Variants in FBXL14 observed in about 807,000 individuals in gnomAD.
The protein encoded by FBXL14 is F-box and leucine rich repeat protein 14.
Under a neutral mutation model 24.5 loss-of-function variants are expected in FBXL14, and 11 were observed. The ratio of observed to expected loss-of-function variants is 0.45; its 90% CI spans 0.28 to 0.74. FBXL14 has a LOEUF of 0.74. Among genes scored for constraint, FBXL14 ranks in the 30% least tolerant of loss-of-function variants. FBXL14 has a pLI of 0.12. For missense variants in FBXL14, 384 were observed against 545.6 expected (o/e 0.70, Z 2.95); for synonymous variants, 294 against 240.4 (o/e 1.22, Z -2.06).
chr12:1,570,348 C>T (rs1003325517), intron 1 of FBXL14, among the ~76,000 whole-genome samples: 1 of 152,218 alleles, frequency 6.6e-6, no homozygotes, highest in Non-Finnish European at 1.5e-5. Flanking sequence ...TATACAACGG[C>T]TCCTGCCTGT....
intron 1 of FBXL14, among the ~76,000 whole-genome samples, chr12:1,576,576 A>T (rs1244546061): frequency 1.3e-5 from 2 of 152,122 alleles, no homozygotes; most frequent in South Asian, 2.1e-4. Context: ...CAGCTCTGTA[A>T]AGCAGCAATT....
rs1281127964 is a variant in FBXL14, at chr12:1,579,604, C to T, written c.1195-12794G>A. 1.4e-5 allele frequency among the ~76,000 whole-genome samples: 2 copies of T among 145,134 alleles called. No individual in the cohort carries two copies. The highest frequency in any genetic ancestry group is 2.0e-4 in the East Asian group (1 of 5,126). On this transcript the variant is annotated intron_variant, in intron 1 of 1. Coordinates refer to ENST00000339235, the MANE Select transcript of FBXL14 (RefSeq NM_152441.3). This position sits in a 1 kb window ranked among gnomAD's most constrained non-coding sequence, Gnocchi z 4.3. ...CTCCAGTCTCGGTGATAGGGTGAGACTCCATTTAAAAAAAAAAAAAAATGT... is the reference window on the plus strand; with the variant it reads ...CTCCAGTCTCGGTGATAGGGTGAGATTCCATTTAAAAAAAAAAAAAAATGT...
chr12:1,581,434 C>T (rs914830256), intron 1 of FBXL14, among the ~76,000 whole-genome samples: 2 of 152,116 alleles, frequency 1.3e-5, no homozygotes, highest in East Asian at 1.9e-4. Context: ...CTCTGCAAAA[C>T]GGAGCACAGA....
chr12:1,566,847 A>G (rs1278572881), intron 1 of FBXL14, 37 bp from the exon 2 acceptor site: 1 of 780,198 alleles, frequency 1.3e-6, no homozygotes, highest in African/African-American at 1.7e-5. Context: ...ATTTTGAAAG[A>G]GACTGCCGCA....
At chr12:1,592,845 G>C (rs752504101) in intron 1 of FBXL14, 28 bp downstream of exon 1, 1 of 1,535,218 alleles carries the variant, frequency 6.5e-7, no homozygotes, top group East Asian at 2.3e-5. Context: ...CGGGACAAGG[G>C]GAGCTGGTGC....
In FBXL14 at chr12:1,593,824, G is replaced by A. The variant is rs1565592636; in HGVS notation, c.243C>T (p.Ser81=). The A allele has an allele frequency of 1.9e-6, 3 of 1,614,066 alleles. No homozygotes were observed. Among genetic ancestry groups the A allele is most frequent in the South Asian group, 1.1e-5 (1 of 91,080 alleles). ...RRVQILSLRR[S]LSYVIQGMAN... is the part of the protein sequence containing the mutation. ...CCATGCCCTGGATCACGTAGCTGAG[G>A]CTGCGGCGGAGGCTCAGGATCTGCA... is the stretch of plus-strand genomic sequence containing the variant. The change falls in exon 1 of 2, where the codon AGC becomes AGT. Residue 81 remains serine (S), a synonymous_variant. Transcript: ENST00000339235. This position sits in a 1 kb window ranked among gnomAD's most constrained non-coding sequence, Gnocchi z 7.4.
chr12:1,588,460 T>C (rs2094481373), intron 1 of FBXL14, among the ~76,000 whole-genome samples: 1 of 152,220 alleles, frequency 6.6e-6, no homozygotes, highest in Non-Finnish European at 1.5e-5. Context: ...AAGAACATGA[T>C]CGGTTCGAGT....
chr12:1,580,927 G>T (rs972524607), intron 1 of FBXL14, among the ~76,000 whole-genome samples: 1 of 152,128 alleles, frequency 6.6e-6, no homozygotes, highest in Non-Finnish European at 1.5e-5. Flanking sequence ...ACAGGAGTGG[G>T]AACTAACAGG....
intron 1 of FBXL14, 70 bp from the exon 2 acceptor site, chr12:1,566,880 G>T: frequency 1.3e-6 from 1 of 765,770 alleles, no homozygotes; most frequent in Admixed American, 1.7e-5. Context: ...TAACGAGGTC[G>T]CCTCCCCTAA....
intron 1 of FBXL14, among the ~76,000 whole-genome samples, chr12:1,574,477 GT>G (rs1345385027): frequency 1.5e-5 from 2 of 133,598 alleles, no homozygotes; most frequent in Non-Finnish European, 3.3e-5. Context: ...GGAGGCTGGG[GT>G]GAGGGGAGGC....
intron 1 of FBXL14, among the ~76,000 whole-genome samples, chr12:1,589,397 CAAAAAAAAAAA>C (rs869295084): frequency 6.4e-4 from 7 of 10,982 alleles, no homozygotes; most frequent in African/African-American, 2.1e-3. Context: ...GACCTTGTCT[CAAAAAAAAAAA>C]AAAAAAAAAA....
chr12:1,577,844 G>C (rs2094458915), intron 1 of FBXL14, among the ~76,000 whole-genome samples: 1 of 152,110 alleles, frequency 6.6e-6, no homozygotes, highest in Admixed American at 6.5e-5. Flanking sequence ...TACAACAAAG[G>C]CTAAACATAT....
intron 1 of FBXL14, among the ~76,000 whole-genome samples, chr12:1,585,242 CA>C (rs1383517967): frequency 6.6e-6 from 1 of 152,050 alleles, no homozygotes; most frequent in Non-Finnish European, 1.5e-5. Context: ...ACTAAAAATA[CA>C]AAAAATTAGC....
At position 1,566,048 on chromosome 12, in the gene FBXL14, AC is replaced by A. The variant is rs1489369811; in HGVS notation, c.*699del. On this transcript the variant is annotated 3_prime_UTR_variant, in exon 2 of 2. Transcript: ENST00000339235. ...CTACATTGTTCCCATTAAAATGGAA[AC>A]CCCGTGGGGAGAGGAAATGCATCTG... The A allele has an allele frequency of 6.6e-6, 1 of 152,634 alleles. No individual in the cohort carries two copies. The highest frequency in any genetic ancestry group is 1.5e-5 in the Non-Finnish European group (1 of 68,038). 9.5% of individuals were successfully genotyped at this position (152,634 alleles called of 1,614,324 possible).
Position 1,567,740 on chromosome 12 carries a change from C to T in FBXL14, c.1195-930G>A, listed in dbSNP as rs1027601996. On this transcript the variant is annotated intron_variant, in intron 1 of 1. Transcript: ENST00000339235. This position sits in a 1 kb window ranked among gnomAD's most constrained non-coding sequence, Gnocchi z 4.8. The stretch of plus-strand genomic sequence containing the variant: ...AAATGAAGTGACAGAGAGCAAAGCA[C>T]GGTGACGGAAATGAAGAATGCCGCT... 3.3e-5 allele frequency among the ~76,000 whole-genome samples: 5 copies of T among 152,304 alleles called. No individual in the cohort carries two copies. The highest frequency in any genetic ancestry group is 7.3e-5 in the Non-Finnish European group (5 of 68,028).
At chr12:1,575,620 C>T (rs1305880854) in intron 1 of FBXL14, among the ~76,000 whole-genome samples, 1 of 152,198 alleles carries the variant, frequency 6.6e-6, no homozygotes, top group African/African-American at 2.4e-5. Flanking sequence ...TCGGCCCTCT[C>T]CAGCTCCAAG....
At chr12:1,585,372 TG>T (rs755369545) in intron 1 of FBXL14, among the ~76,000 whole-genome samples, 102 of 147,094 alleles carry the variant, frequency 6.9e-4, no homozygotes, top group Non-Finnish European at 1.3e-3. Context: ...TACTCCAGCC[TG>T]GGCGACAGAG....
rs145980442 is a variant in FBXL14 at position 1,583,878 on chromosome 12, C to T, written c.1194+8995G>A. On this transcript the variant is annotated intron_variant, in intron 1 of 1. Coordinates refer to ENST00000339235, the MANE Select transcript of FBXL14 (RefSeq NM_152441.3). Reference sequence around the variant, plus strand: ...CTCCAGGACAGGTGTGGATATGATTCACAGCTGCTTCACAATGGGGAAGGT... The same window carrying T: ...CTCCAGGACAGGTGTGGATATGATTTACAGCTGCTTCACAATGGGGAAGGT... Among the ~76,000 whole-genome samples, 28 of 152,272 alleles carry T rather than the reference C, an allele frequency of 1.8e-4. No individual in the cohort carries two copies. The Middle Eastern group carries it at 0.014, about 74-fold the overall frequency.
intron 1 of FBXL14, among the ~76,000 whole-genome samples, chr12:1,590,148 T>TG (rs1445962854): frequency 6.6e-6 from 1 of 152,114 alleles, no homozygotes; most frequent in African/African-American, 2.4e-5. Context: ...CACACTTTTT[T>TG]TTTTTTCCAG....
Sources: gnomAD v4.1 joint callset for allele counts (sites outside exome capture counted in the v4.1 genomes callset) on GRCh38, gnomAD v4.1.1 for gene constraint, Gnocchi (gnomAD v3.1) non-coding constraint, MANE v1.5 for transcripts, NCBI Gene and HGNC (gene_info 2026-07-23, HGNC 2026-07-21) for gene names.